Variants in GUK1 observed in about 807,000 individuals in gnomAD.
The protein encoded by GUK1 is guanylate kinase 1.
Under a neutral mutation model 25.2 loss-of-function variants are expected in GUK1, and 18 were observed. The ratio of observed to expected loss-of-function variants is 0.71; its 90% confidence interval spans 0.49 to 1.06. GUK1 has a LOEUF of 1.06. Among genes scored for constraint, GUK1 ranks in the 50% least tolerant of loss-of-function variants. GUK1 has a pLI of 0.00. For missense variants in GUK1, 261 were observed against 276.7 expected, an observed-to-expected ratio of 0.94 and a Z score of 0.40; for synonymous variants, 105 against 117.6, an observed-to-expected ratio of 0.89 and a Z score of 0.69.
At position 228,146,502 on chromosome 1, in the gene GUK1, C is replaced by T. The variant is rs143219634; in HGVS notation, c.155-340C>T. 5.8e-3 allele frequency: 2,604 copies of T among 445,538 alleles called. 20 individuals carry two copies. Among genetic ancestry groups the T allele is most frequent in the Middle Eastern group, 0.01 (17 of 1,628 alleles). The allele number at this position is 445,538 out of a possible 1,614,324, so 27.6% of individuals were successfully genotyped here. A position where few individuals can be genotyped will look rare whatever the true frequency, so the allele number is the denominator to read the frequency against. On this transcript the variant is annotated intron_variant, in intron 4 of 8. Transcript: ENST00000312726. ...GTGGTCTCCAGTCACCCCACCACAT[C>T]GTCCCCTCTGTAACCTGACGGTCTC...
In GUK1 at chr1:228,147,668, G is replaced by T; in HGVS notation, c.444G>T (p.Arg148=). Residue 148 remains arginine, a synonymous_variant, in exon 7 of 9, where the codon CGG becomes CGT. Transcript: ENST00000312726. ...AAACCGAGGAGAGCCTGGTGAAGCGGCTGGCTGCTGCCCAGGCCGACATGG... is the reference window on the plus strand; with the variant it reads ...AAACCGAGGAGAGCCTGGTGAAGCGTCTGGCTGCTGCCCAGGCCGACATGG... 7 of 1,612,934 alleles carry T rather than the reference G, an allele frequency of 4.3e-6. No individual in the cohort carries two copies. The highest frequency in any genetic ancestry group is 5.9e-6 in the Non-Finnish European group (7 of 1,179,970).
intron 1 of GUK1, among the ~76,000 whole-genome samples, chr1:228,140,640 C>A (rs1345991527): frequency 6.6e-6 from 1 of 152,250 alleles, no homozygotes; most frequent in Non-Finnish European, 1.5e-5. Context: ...CGTATAGGAG[C>A]GCTCGGTGTC....
intron 2 of GUK1, among the ~76,000 whole-genome samples, chr1:228,143,461 T>C (rs940509460): frequency 2.6e-5 from 4 of 152,244 alleles, no homozygotes; most frequent in African/African-American, 9.6e-5. Flanking sequence ...ATTTCTGTGA[T>C]CTCAGTGCTT....
chr1:228,147,783 C>A, intron 7 of GUK1, 84 bp downstream of exon 6: 1 of 1,189,906 alleles, frequency 8.4e-7, no homozygotes, highest in Non-Finnish European at 1.2e-6. Flanking sequence ...CCTGTGGGTC[C>A]CCAGACCTCC....
At position 228,148,720 on chromosome 1, in the gene GUK1, C is replaced by T. The variant is rs897131808; in HGVS notation, c.*23C>T. 1.2e-6 allele frequency: 2 copies of T among 1,609,044 alleles called. No homozygotes were observed. The highest frequency in any genetic ancestry group is 2.2e-5 in the East Asian group (1 of 44,846). ...TGAGGCTTGCTGTCTGTTCTCGGCA[C>T]CCCGGGCCCATACAGGACCAGGGCA... is the stretch of plus-strand genomic sequence containing the variant. On this transcript the variant is annotated 3_prime_UTR_variant, in exon 9 of 9. Coordinates refer to ENST00000312726, the MANE Select transcript of GUK1 (RefSeq NM_000858.7).
At position 228,141,279 on chromosome 1, in the gene GUK1, TC is replaced by T. The variant is rs1013494659; in HGVS notation, c.-10del. 123 of 982,512 alleles carry T rather than the reference TC, an allele frequency of 1.3e-4. No homozygotes were observed. The Admixed American group carries it at 1.7e-3, about 13-fold the overall frequency. 60.9% of individuals were successfully genotyped at this position (982,512 alleles called of 1,614,324 possible). ...TCTGTGGCTCTGGAAGAGCCCGATT[TC>T]CTCAGGAGGTAAAGGAATGTTCCTG... is the stretch of plus-strand genomic sequence containing the variant. On this transcript the variant is annotated 5_prime_UTR_variant, in exon 2 of 9. Coordinates refer to ENST00000312726, the MANE Select transcript of GUK1 (RefSeq NM_000858.7).
rs755365311 is a variant in GUK1 at position 228,148,842 on chromosome 1, T to C, written c.*145T>C. The C allele has an allele frequency of 3.3e-5, 51 of 1,540,854 alleles. No individual in the cohort carries two copies. In the South Asian group the frequency reaches 5.8e-4, roughly 17 times the overall value. On this transcript the variant is annotated 3_prime_UTR_variant, in exon 9 of 9. Transcript: ENST00000312726. The stretch of plus-strand genomic sequence containing the variant: ...AGATGCTGCCCCTGTGGTTGGAACA[T>C]CCTGGGGTGACCCCCGACCCAGCCT...
intron 2 of GUK1, chr1:228,141,663 G>T (rs1239125913): frequency 4.8e-6 from 6 of 1,237,274 alleles, no homozygotes; most frequent in Middle Eastern, 2.3e-4. Flanking sequence ...AGGAGATTAT[G>T]CCGCCACAGC....
intron 2 of GUK1, among the ~76,000 whole-genome samples, chr1:228,143,894 T>C (rs1210480734): frequency 1.3e-5 from 2 of 151,158 alleles, no homozygotes; most frequent in Non-Finnish European, 3.0e-5. Flanking sequence ...GAGGGAGGAG[T>C]CTATCCCTTA....
At chr1:228,148,054 A>G in intron 7 of GUK1, 2 of 573,572 alleles carry the variant, frequency 3.5e-6, no homozygotes. Context: ...TCTGGGTCTG[A>G]CTGCAGCCCA....
At chr1:228,142,012 T>G (rs2034084693) in intron 2 of GUK1, among the ~76,000 whole-genome samples, 1 of 152,284 alleles carries the variant, frequency 6.6e-6, no homozygotes, top group South Asian at 2.1e-4. Context: ...ACCGCAAGAT[T>G]GCAGGAGCCT....
intron 2 of GUK1, 75 bp from the exon 2 acceptor site, chr1:228,145,436 A>C: frequency 7.1e-7 from 1 of 1,418,012 alleles, no homozygotes. Context: ...CCATGAATTC[A>C]GGAAGGCAGA....
chr1:228,146,090 G>A (rs1160869211), intron 4 of GUK1, 23 bp downstream of exon 3: 1 of 1,569,840 alleles, frequency 6.4e-7, no homozygotes, highest in South Asian at 1.1e-5. Flanking sequence ...GGGCCCTATG[G>A]CTGGAGCACC....
chr1:228,142,084 G>A (rs750899997), intron 2 of GUK1, among the ~76,000 whole-genome samples: 3 of 152,232 alleles, frequency 2.0e-5, no homozygotes, highest in South Asian at 2.1e-4. Flanking sequence ...TTTGGTGACC[G>A]CCCTGCCACT....
Position 228,146,135 on chromosome 1 carries a change from G to C in GUK1, c.154+68G>C, listed in dbSNP as rs373149505. The C allele has an allele frequency of 2.1e-4, 221 of 1,042,510 alleles. 1 individual carries two copies. In the African/African-American group the frequency reaches 3.0e-3, roughly 14 times the overall value. 64.6% of individuals were successfully genotyped at this position (1,042,510 alleles called of 1,614,324 possible). A position where few individuals can be genotyped will look rare whatever the true frequency, so the allele number is the denominator to read the frequency against. ...GGCAGGGCTGCTGGGCCCTGCAGCT[G>C]TGTTGGCTGTGCTGCCCGTCTCCTG... On this transcript the variant is annotated intron_variant, in intron 4 of 8. Transcript: ENST00000312726.
intron 4 of GUK1, chr1:228,146,530 G>T (rs1461037153): frequency 6.5e-6 from 3 of 464,934 alleles, no homozygotes; most frequent in South Asian, 2.7e-5. Flanking sequence ...ACGGTCTCCA[G>T]TTCCCCCACC....
At chr1:228,141,834 T>A in intron 2 of GUK1, 1 of 1,184,104 alleles carries the variant, frequency 8.4e-7, no homozygotes. Context: ...TGGCAGGTCC[T>A]TACAGTTGTG....
Position 228,147,512 on chromosome 1 carries a change from A to T in GUK1, c.358A>T (p.Ile120Phe). The T allele has an allele frequency of 6.2e-7, 1 of 1,613,198 alleles. No individual in the cohort carries two copies. The highest frequency in any genetic ancestry group is 8.5e-7 in the Non-Finnish European group (1 of 1,179,934). ...GGCCACCGATCTGCGGCCCATCTACATCTCTGTGCAGCCGCCTTCACTGCA... is the reference window on the plus strand; with the variant it reads ...GGCCACCGATCTGCGGCCCATCTACTTCTCTGTGCAGCCGCCTTCACTGCA... Residue 120 changes from isoleucine to phenylalanine, a missense_variant, in exon 6 of 9, where the codon ATC (isoleucine) becomes TTC (phenylalanine). Physicochemically the swap from Ile to Phe is conservative, Grantham distance 21. Transcript: ENST00000312726.
chr1:228,146,449 G>A, intron 4 of GUK1: 1 of 423,156 alleles, frequency 2.4e-6, no homozygotes, highest in South Asian at 3.6e-5. Flanking sequence ...CTTCCCAACA[G>A]CACCCCCGCC....
Sources: allele counts gnomAD v4.1 joint callset (sites outside exome capture counted in the v4.1 genomes callset), GRCh38; gene constraint gnomAD v4.1.1; transcripts MANE v1.5; gene names NCBI Gene and HGNC (gene_info 2026-07-23, HGNC 2026-07-21).